MLPH: variants seen among roughly 807,000 people sequenced by gnomAD.
MLPH encodes the protein melanophilin.
In MLPH, 51 loss-of-function variants were observed where a neutral mutation model predicts 72.1. The observed-to-expected ratio is 0.71, with a 90% CI of 0.56 to 0.89. The LOEUF is 0.89. Among genes scored for constraint, MLPH ranks in the 40% least tolerant of loss-of-function variants. MLPH has a pLI of 0.00. For missense variants in MLPH, 743 were observed against 759.9 expected, an observed-to-expected ratio of 0.98 and a Z score of 0.26; for synonymous variants, 301 against 310.1, an observed-to-expected ratio of 0.97 and a Z score of 0.31.
intron 4 of MLPH, among the ~76,000 whole-genome samples, chr2:237,517,751 GGATGGA>G (rs2080080714): frequency 7.5e-6 from 1 of 133,760 alleles, no homozygotes; most frequent in African/African-American, 2.7e-5. Flanking sequence ...ATGGATGGAT[GGATGGA>G]TGGATGGATA....
intron 9 of MLPH, among the ~76,000 whole-genome samples, chr2:237,538,118 A>G (rs1009919482): frequency 6.6e-6 from 1 of 152,208 alleles, no homozygotes; most frequent in East Asian, 1.9e-4. Context: ...GCTCCTGACG[A>G]TGGGGAGGTG....
intron 2 of MLPH, among the ~76,000 whole-genome samples, chr2:237,504,912 A>G (rs2079732333): frequency 6.6e-6 from 1 of 152,182 alleles, no homozygotes; most frequent in South Asian, 2.1e-4. Flanking sequence ...TTTATTTCCC[A>G]TCTGCTCCCC....
intron 2 of MLPH, among the ~76,000 whole-genome samples, chr2:237,509,727 T>C (rs2079849806): frequency 6.6e-6 from 1 of 152,096 alleles, no homozygotes; most frequent in African/African-American, 2.4e-5. Flanking sequence ...ATCGTGAAGT[T>C]CAGCCAATTG....
Position 237,534,643 on chromosome 2 carries a change from C to A in MLPH, c.1100C>A (p.Ala367Asp), listed in dbSNP as rs1487141351. The A allele has an allele frequency of 7.4e-6, 12 of 1,613,448 alleles. No homozygotes were observed. Among genetic ancestry groups the A allele is most frequent in the Non-Finnish European group, 1.0e-5 (12 of 1,179,542 alleles). ...GAGAACACAGTTGTGCCTCCCTTGG[C>A]CAAGGTAACACTGGGGGCTGGGCAA... ...YLENTVVPPL[A>D]KGLGAGVRTE... Residue 367 changes from alanine (A) to aspartate (D), a missense_variant, in exon 9 of 16, where the codon GCC becomes GAC. Ala to Asp is a moderately radical substitution (Grantham distance 126). Transcript: ENST00000264605.
intron 13 of MLPH, among the ~76,000 whole-genome samples, chr2:237,548,230 A>C (rs944279789): frequency 2.0e-4 from 31 of 152,082 alleles, no homozygotes; most frequent in African/African-American, 6.5e-4. Flanking sequence ...GGGCGCTTCC[A>C]CCTTTGTCCC....
intron 2 of MLPH, among the ~76,000 whole-genome samples, chr2:237,499,211 G>A (rs2079598063): frequency 6.6e-6 from 1 of 152,020 alleles, no homozygotes; most frequent in African/African-American, 2.4e-5. Flanking sequence ...TATTGATGAA[G>A]ATAAAGAAAA....
chr2:237,511,749 T>G (rs762264768), intron 4 of MLPH: 3 of 153,152 alleles, frequency 2.0e-5, no homozygotes, highest in Admixed American at 1.3e-4. Flanking sequence ...TTTCATCTTT[T>G]GAATCCAAGT....
chr2:237,503,296 G>C (rs367922388), intron 2 of MLPH, among the ~76,000 whole-genome samples: 1 of 152,166 alleles, frequency 6.6e-6, no homozygotes, highest in East Asian at 1.9e-4. Flanking sequence ...ACATTGGTCT[G>C]AGATGTTTTA....
intron 12 of MLPH, chr2:237,545,634 G>T: frequency 7.8e-7 from 1 of 1,282,578 alleles, no homozygotes; most frequent in Non-Finnish European, 1.0e-6. Flanking sequence ...TCACATCAGA[G>T]GAGCTGCTCA....
At chr2:237,492,934 C>A (rs1272026007) in intron 1 of MLPH, among the ~76,000 whole-genome samples, 1 of 152,226 alleles carries the variant, frequency 6.6e-6, no homozygotes, top group African/African-American at 2.4e-5. Flanking sequence ...CTAGGAGATG[C>A]ACAGGAGACT....
At chr2:237,535,752 T>A (rs183153098) in intron 9 of MLPH, among the ~76,000 whole-genome samples, 1 of 152,364 alleles carries the variant, frequency 6.6e-6, no homozygotes, top group Non-Finnish European at 1.5e-5. Flanking sequence ...GTTTCACTTA[T>A]ATAGGCAGAA....
intron 1 of MLPH, among the ~76,000 whole-genome samples, chr2:237,492,744 C>T (rs1348686560): frequency 1.3e-5 from 2 of 152,244 alleles, no homozygotes; most frequent in Non-Finnish European, 2.9e-5. Flanking sequence ...GCATCAGGCT[C>T]ATATGACCTC....
At chr2:237,489,479 G>A (rs940120505) in intron 1 of MLPH, among the ~76,000 whole-genome samples, 5 of 152,174 alleles carry the variant, frequency 3.3e-5, no homozygotes, top group African/African-American at 4.8e-5. Flanking sequence ...ATGAGAGCTG[G>A]GGGTCAGTGC....
At chr2:237,491,927 A>G (rs2079435968) in intron 1 of MLPH, among the ~76,000 whole-genome samples, 1 of 152,146 alleles carries the variant, frequency 6.6e-6, no homozygotes, top group South Asian at 2.1e-4. Context: ...CTCGCCGCCC[A>G]CTACCCAAGT....
At position 237,552,671 on chromosome 2, in the gene MLPH, C is replaced by A. The variant is rs548750027; in HGVS notation, c.1776+234C>A. 7.2e-5 allele frequency among the ~76,000 whole-genome samples: 11 copies of A among 152,338 alleles called. No homozygotes were observed. In the East Asian group the frequency reaches 2.1e-3, roughly 29 times the overall value. ...TTTAGAGCTTTAAATTTTCAAATAT[C>A]TGCTGTCCACACACCCCATTGGAGG... On this transcript the variant is annotated intron_variant, in intron 15 of 15. Transcript: ENST00000264605.
At chr2:237,530,830 G>T (rs1475273001) in intron 8 of MLPH, among the ~76,000 whole-genome samples, 1 of 152,212 alleles carries the variant, frequency 6.6e-6, no homozygotes, top group Non-Finnish European at 1.5e-5. Flanking sequence ...TGCAGTTTCT[G>T]TGTCCCGAGA....
intron 9 of MLPH, among the ~76,000 whole-genome samples, chr2:237,537,159 A>T (rs1290077438): frequency 1.3e-5 from 2 of 152,168 alleles, no homozygotes; most frequent in African/African-American, 2.4e-5. Context: ...GCAAACAAGG[A>T]CGAGTTAGTC....
intron 4 of MLPH, chr2:237,518,007 G>A (rs951458651): frequency 1.2e-5 from 3 of 251,696 alleles, no homozygotes; most frequent in South Asian, 4.8e-5. Flanking sequence ...TGATGGGTGG[G>A]TGCATGGATG....
At chr2:237,516,597 C>T (rs2080023125) in intron 4 of MLPH, among the ~76,000 whole-genome samples, 1 of 152,230 alleles carries the variant, frequency 6.6e-6, no homozygotes, top group Non-Finnish European at 1.5e-5. Context: ...ATGGTCAGAC[C>T]TGTTGGTAAC....
Sources: gnomAD v4.1 joint callset for allele counts (sites outside exome capture counted in the v4.1 genomes callset) on GRCh38, gnomAD v4.1.1 for gene constraint, MANE v1.5 for transcripts, NCBI Gene and HGNC (gene_info 2026-07-23, HGNC 2026-07-21) for gene names.